Variants in KDM2A observed in about 807,000 individuals in gnomAD.
The protein encoded by KDM2A is lysine-specific demethylase 2A.
Under a neutral mutation model 137.3 loss-of-function variants are expected in KDM2A, and 3 were observed. The observed-to-expected ratio is 0.02, with a 90% CI of 0.01 to 0.06. The LOEUF (loss-of-function observed/expected upper bound fraction) is 0.06, where lower values mean the gene tolerates loss of function less well. Among genes scored for constraint, KDM2A ranks in the 10% least tolerant of loss-of-function variants. The pLI, the probability that KDM2A is intolerant of heterozygous loss-of-function variation, is 1.00. For synonymous variants in KDM2A, 512 were observed against 541.5 expected, an observed-to-expected ratio of 0.95 and a Z score of 0.76; for missense variants, 738 against 1,510.6, an observed-to-expected ratio of 0.49 and a Z score of 8.48.
chr11:67,125,151 G>A (rs930877988), intron 2 of KDM2A, among the ~76,000 whole-genome samples: 1 of 150,734 alleles, frequency 6.6e-6, no homozygotes, highest in African/African-American at 2.4e-5. Context: ...TTGAGCCACC[G>A]CACCCAGCCT....
intron 2 of KDM2A, among the ~76,000 whole-genome samples, chr11:67,152,120 G>T (rs1311543947): frequency 4.6e-5 from 7 of 151,408 alleles, no homozygotes; most frequent in African/African-American, 1.7e-4. Flanking sequence ...TTGAAGAACC[G>T]CCTGGTCAAC....
At chr11:67,136,946 G>A (rs1190320169) in intron 2 of KDM2A, among the ~76,000 whole-genome samples, 3 of 152,206 alleles carry the variant, frequency 2.0e-5, no homozygotes, top group African/African-American at 7.2e-5. Flanking sequence ...ATAGGCTGCA[G>A]TAACAGTATA....
chr11:67,187,348 C>T (rs921682289), intron 5 of KDM2A, among the ~76,000 whole-genome samples: 1 of 151,890 alleles, frequency 6.6e-6, no homozygotes, highest in African/African-American at 2.4e-5. Flanking sequence ...AATCAAAAGA[C>T]AAGAAATTGG....
chr11:67,240,185 T>C (rs1382606094), intron 12 of KDM2A: 2 of 1,521,010 alleles, frequency 1.3e-6, no homozygotes, highest in Admixed American at 2.0e-5. Flanking sequence ...GTCTGAAGGG[T>C]CAGAGCTGGA....
At chr11:67,166,294 C>T (rs1373819616) in intron 2 of KDM2A, among the ~76,000 whole-genome samples, 1 of 150,194 alleles carries the variant, frequency 6.7e-6, no homozygotes, top group Non-Finnish European at 1.5e-5. Context: ...AAGTGATTCT[C>T]GTGCCTCAGC....
At chr11:67,161,813 A>C (rs996623741) in intron 2 of KDM2A, among the ~76,000 whole-genome samples, 3 of 152,224 alleles carry the variant, frequency 2.0e-5, no homozygotes, top group Non-Finnish European at 4.4e-5. Flanking sequence ...CCAGAAGTAT[A>C]GTAGAGGTTT....
At chr11:67,238,310 A>G (rs1565419289) in intron 12 of KDM2A, among the ~76,000 whole-genome samples, 1 of 152,236 alleles carries the variant, frequency 6.6e-6, no homozygotes, top group South Asian at 2.1e-4. Context: ...ACTTGCTGCA[A>G]CTTGAACTTA....
intron 2 of KDM2A, among the ~76,000 whole-genome samples, chr11:67,168,608 C>CTTGTATGAATT (rs1856805609): frequency 9.7e-6 from 1 of 103,284 alleles, no homozygotes; most frequent in African/African-American, 7.8e-5. Context: ...CACACACACA[C>CTTGTATGAATT]ACACACACAC....
intron 5 of KDM2A, among the ~76,000 whole-genome samples, chr11:67,182,907 AG>A (rs1315525263): frequency 1.3e-5 from 2 of 152,356 alleles, no homozygotes; most frequent in South Asian, 4.1e-4. Context: ...TCCTAGCACT[AG>A]AATTTCTATT....
rs1435373684 is a variant in KDM2A, at chr11:67,185,403, G to A, written c.307+3511G>A. On this transcript the variant is annotated intron_variant, in intron 5 of 20. Transcript: ENST00000529006. The stretch of plus-strand genomic sequence containing the variant: ...TCCCAGCACTTTGGGAGGCCAAGGC[G>A]GGTGGATCACTTGAGGTCAGGAGTT... 2.6e-5 allele frequency among the ~76,000 whole-genome samples: 4 copies of A among 152,106 alleles called. No homozygotes were observed. The East Asian group carries it at 5.8e-4, about 22-fold the overall frequency.
intron 5 of KDM2A, among the ~76,000 whole-genome samples, chr11:67,204,558 C>T (rs1048687544): frequency 6.7e-6 from 1 of 148,166 alleles, no homozygotes; most frequent in Non-Finnish European, 1.5e-5. Context: ...GTGGTGTGAT[C>T]TCTGCTTACT....
At chr11:67,242,455 A>T (rs1446416016) in intron 12 of KDM2A, among the ~76,000 whole-genome samples, 1 of 152,218 alleles carries the variant, frequency 6.6e-6, no homozygotes, top group East Asian at 1.9e-4. Context: ...CTTGGTTCAC[A>T]TCTGAGAAAT....
In KDM2A at chr11:67,149,032, G is replaced by A. The variant is rs372482729; in HGVS notation, c.42+27674G>A. 31 of 151,724 alleles carry A rather than the reference G, an allele frequency of 2.0e-4. No individual in the cohort carries two copies. The East Asian group carries it at 4.8e-3, about 24-fold the overall frequency. The allele number at this position is 151,724 out of a possible 1,614,324, so 9.4% of individuals were successfully genotyped here. A position where few individuals can be genotyped will look rare whatever the true frequency, so the allele number is the denominator to read the frequency against. On this transcript the variant is annotated intron_variant, in intron 2 of 20. Transcript: ENST00000529006. ...AGCCAATCAAGAAATATCCCAAAACGTTCATTTTTGCTTCCTTTACAGATG... is the reference window on the plus strand; with the variant it reads ...AGCCAATCAAGAAATATCCCAAAACATTCATTTTTGCTTCCTTTACAGATG...
intron 2 of KDM2A, among the ~76,000 whole-genome samples, chr11:67,162,013 A>G: frequency 6.6e-6 from 1 of 152,140 alleles, no homozygotes; most frequent in East Asian, 1.9e-4. Flanking sequence ...TATCTGCCTA[A>G]TCTGTACCTC....
At chr11:67,212,269 C>T (rs1262206298) in intron 6 of KDM2A, among the ~76,000 whole-genome samples, 3 of 152,046 alleles carry the variant, frequency 2.0e-5, no homozygotes, top group South Asian at 4.1e-4. Flanking sequence ...AATAATGAAG[C>T]AAGGAGAGGG....
chr11:67,205,581 C>G (rs1471657318), intron 5 of KDM2A, among the ~76,000 whole-genome samples: 1 of 152,102 alleles, frequency 6.6e-6, no homozygotes, highest in African/African-American at 2.4e-5. Flanking sequence ...GCACGCACCA[C>G]CATGCCCAGC....
At chr11:67,144,594 G>T (rs968184685) in intron 2 of KDM2A, among the ~76,000 whole-genome samples, 3 of 149,904 alleles carry the variant, frequency 2.0e-5, no homozygotes, top group Non-Finnish European at 4.4e-5. Flanking sequence ...ACAAGGTCTT[G>T]CTCTGTTAGC....
chr11:67,194,837 G>A (rs1334316759), intron 5 of KDM2A, among the ~76,000 whole-genome samples: 1 of 152,154 alleles, frequency 6.6e-6, no homozygotes, highest in African/African-American at 2.4e-5. Flanking sequence ...GATCCTATTT[G>A]TGTATCTAAG....
chr11:67,209,345 G>A (rs1434461135), intron 6 of KDM2A, among the ~76,000 whole-genome samples: 2 of 151,924 alleles, frequency 1.3e-5, no homozygotes, highest in Non-Finnish European at 2.9e-5. Flanking sequence ...TTGCTAAATA[G>A]GAATTTAGTG....
Sources: allele counts gnomAD v4.1 joint callset (sites outside exome capture counted in the v4.1 genomes callset), GRCh38; gene constraint gnomAD v4.1.1; transcripts MANE v1.5; gene names NCBI Gene and HGNC (gene_info 2026-07-23, HGNC 2026-07-21).